GADL1: variants seen among roughly 807,000 people sequenced by gnomAD.
GADL1 encodes the protein GAD like acidic amino acid decarboxylase 1.
In GADL1, 71 loss-of-function variants were observed where a neutral mutation model predicts 69.5. The ratio of observed to expected loss-of-function variants is 1.02; its 90% CI spans 0.84 to 1.25. GADL1 has a LOEUF of 1.25. Among genes scored for constraint, GADL1 ranks in the 50% most tolerant of loss-of-function variants. The pLI, the probability that GADL1 is intolerant of heterozygous loss-of-function variation, is 0.00. For missense variants in GADL1, 737 were observed against 631.8 expected (o/e 1.17, Z -1.79); for synonymous variants, 254 against 214.4 (o/e 1.18, Z -1.62).
intron 1 of GADL1, among the ~76,000 whole-genome samples, chr3:30,881,749 C>G (rs1010348933): frequency 8.6e-5 from 13 of 151,886 alleles, no homozygotes; most frequent in African/African-American, 3.1e-4. Flanking sequence ...GAATGCTTGT[C>G]TCCTCCAAAA....
intron 13 of GADL1, 147 bp from the exon 14 acceptor site, chr3:30,778,415 TC>T (rs2125496128): frequency 1.7e-6 from 1 of 599,860 alleles, no homozygotes; most frequent in Admixed American, 3.0e-5. Flanking sequence ...AACAATCCCT[TC>T]TGCCTTCTTG....
chr3:30,810,951 T>G (rs1264502910), intron 11 of GADL1, among the ~76,000 whole-genome samples: 1 of 152,200 alleles, frequency 6.6e-6, no homozygotes, highest in Admixed American at 6.5e-5. Flanking sequence ...AGCTATGAAC[T>G]GCTAAGAGCT....
At chr3:30,777,894 T>C (rs1055639336) in intron 14 of GADL1, among the ~76,000 whole-genome samples, 8 of 152,198 alleles carry the variant, frequency 5.3e-5, no homozygotes, top group African/African-American at 1.9e-4. Flanking sequence ...CACACAACTT[T>C]AACCTTGTGT....
At position 30,850,069 on chromosome 3, in the gene GADL1, T is replaced by A; in HGVS notation, c.578A>T (p.Tyr193Phe). ...SNMYAMNLAR[Y>F]KYCPDIKEKG... The stretch of plus-strand genomic sequence containing the variant: ...TTCCTTAATATCAGGACAATATTTG[T>A]ATCTAGCTAAATTCATTGCATACAT... The change falls in exon 6 of 15, where the codon TAC (tyrosine) becomes TTC (phenylalanine). Residue 193 changes from tyrosine to phenylalanine, a missense_variant. Transcript: ENST00000282538. 6.2e-7 allele frequency: 1 copy of A among 1,611,726 alleles called. No individual in the cohort carries two copies. The highest frequency in any genetic ancestry group is 8.5e-7 in the Non-Finnish European group (1 of 1,178,160).
At chr3:30,812,088 A>G (rs1296999281) in intron 11 of GADL1, among the ~76,000 whole-genome samples, 2 of 152,170 alleles carry the variant, frequency 1.3e-5, no homozygotes, top group Non-Finnish European at 1.5e-5. Context: ...CTTTTTTGCT[A>G]CTAGTACCCA....
chr3:30,791,472 A>T (rs1482569749), intron 12 of GADL1, among the ~76,000 whole-genome samples: 2 of 152,200 alleles, frequency 1.3e-5, no homozygotes, highest in Non-Finnish European at 2.9e-5. Flanking sequence ...TGTACAAAAA[A>T]ATTGGTAAAA....
intron 3 of GADL1, among the ~76,000 whole-genome samples, chr3:30,856,263 G>T (rs964643133): frequency 1.3e-5 from 2 of 151,960 alleles, no homozygotes; most frequent in Non-Finnish European, 1.5e-5. Context: ...GATCTTAAGC[G>T]CTAGATACCT....
Position 30,856,996 on chromosome 3 carries a change from A to AGT in GADL1, c.337+17_337+18dup. 6.5e-7 allele frequency: 1 copy of AGT among 1,543,020 alleles called. No homozygotes were observed. The highest frequency in any genetic ancestry group is 1.2e-5 in the South Asian group (1 of 83,710). On this transcript the variant is annotated intron_variant, in intron 3 of 14. Coordinates refer to ENST00000282538, the MANE Select transcript of GADL1 (RefSeq NM_207359.3). ...ACTTGTCAGAGGTACAGATCAAGGA[A>AGT]GTAAATTAAAGTTCTTACTAGTTTT...
chr3:30,758,352 T>TC (rs1400329851), intron 14 of GADL1, among the ~76,000 whole-genome samples: 1 of 152,056 alleles, frequency 6.6e-6, no homozygotes. Context: ...CTTTGCAGCC[T>TC]CCCTCCAGCT....
intron 9 of GADL1, among the ~76,000 whole-genome samples, chr3:30,838,735 C>G (rs1049135620): frequency 1.1e-4 from 17 of 152,104 alleles, no homozygotes; most frequent in African/African-American, 4.1e-4. Flanking sequence ...GCTTCAATGA[C>G]AGTAGATTTG....
At chr3:30,732,012 G>T (rs1575176743) in intron 14 of GADL1, among the ~76,000 whole-genome samples, 1 of 152,104 alleles carries the variant, frequency 6.6e-6, no homozygotes, top group Non-Finnish European at 1.5e-5. Flanking sequence ...AAGCTTATTT[G>T]AAAGGAATTC....
chr3:30,814,691 A>C (rs1473365446), intron 11 of GADL1, among the ~76,000 whole-genome samples: 1 of 152,172 alleles, frequency 6.6e-6, no homozygotes, highest in Non-Finnish European at 1.5e-5. Flanking sequence ...GAGGCAGAAA[A>C]AGTTAAACAT....
chr3:30,841,392 A>G (rs1055607014), intron 8 of GADL1, among the ~76,000 whole-genome samples: 28 of 152,172 alleles, frequency 1.8e-4, no homozygotes, highest in African/African-American at 6.3e-4. Context: ...TTCACTGTCA[A>G]AACAAAAATT....
intron 14 of GADL1, among the ~76,000 whole-genome samples, chr3:30,759,892 C>T (rs1224254624): frequency 1.3e-5 from 2 of 152,188 alleles, no homozygotes; most frequent in Admixed American, 6.6e-5. Context: ...TGCTCTTATG[C>T]AGGTGGACTT....
intron 14 of GADL1, among the ~76,000 whole-genome samples, chr3:30,736,682 T>C (rs935567002): frequency 6.6e-6 from 1 of 152,188 alleles, no homozygotes; most frequent in African/African-American, 2.4e-5. Context: ...GTTTCAGAAA[T>C]TAAATATTGC....
intron 14 of GADL1, among the ~76,000 whole-genome samples, chr3:30,757,481 C>G (rs893874012): frequency 6.6e-6 from 1 of 152,208 alleles, no homozygotes; most frequent in African/African-American, 2.4e-5. Flanking sequence ...TCTTTATGAG[C>G]AGGTATATCC....
chr3:30,810,010 A>AT (rs1415331464), intron 11 of GADL1, among the ~76,000 whole-genome samples: 2 of 152,214 alleles, frequency 1.3e-5, no homozygotes, highest in East Asian at 3.9e-4. Context: ...TTGCTGATAC[A>AT]TGAGGTGCTT....
At chr3:30,833,979 G>T in intron 10 of GADL1, 45 bp from the exon 11 acceptor site, 1 of 1,319,462 alleles carries the variant, frequency 7.6e-7, no homozygotes, top group Non-Finnish European at 1.1e-6. Flanking sequence ...GACTCAATTA[G>T]TTTCTACAGG....
chr3:30,811,979 T>C (rs943842121), intron 11 of GADL1, among the ~76,000 whole-genome samples: 1 of 152,190 alleles, frequency 6.6e-6, no homozygotes, highest in Admixed American at 6.5e-5. Context: ...AAAATCCTGA[T>C]CTAGAAGTTT....
Sources: gnomAD v4.1 joint callset for allele counts (sites outside exome capture counted in the v4.1 genomes callset) on GRCh38, gnomAD v4.1.1 for gene constraint, MANE v1.5 for transcripts, NCBI Gene and HGNC (gene_info 2026-07-23, HGNC 2026-07-21) for gene names.